PXK: variants seen among roughly 807,000 people sequenced by gnomAD.
PXK encodes the protein PX domain-containing protein kinase-like protein.
Under a neutral mutation model 84.7 loss-of-function variants are expected in PXK, and 35 were observed. The ratio of observed to expected loss-of-function variants is 0.41; its 90% CI spans 0.32 to 0.55. The LOEUF is 0.55. PXK is among the 20% of genes least tolerant of loss of function. PXK has a pLI of 0.21. For missense variants in PXK, 634 were observed against 699.7 expected, an observed-to-expected ratio of 0.91 and a Z score of 1.06; for synonymous variants, 253 against 260.8, an observed-to-expected ratio of 0.97 and a Z score of 0.29.
rs778066122 is a variant in PXK at position 58,365,929 on chromosome 3, G to T, written c.153+5G>T. 1.3e-6 allele frequency: 2 copies of T among 1,520,142 alleles called. No homozygotes were observed. Among genetic ancestry groups the T allele is most frequent in the Non-Finnish European group, 1.8e-6 (2 of 1,137,282 alleles). 94.2% of individuals were successfully genotyped at this position (1,520,142 alleles called of 1,614,324 possible). A position where few individuals can be genotyped will look rare whatever the true frequency, so the allele number is the denominator to read the frequency against. On this transcript the variant is annotated splice_donor_5th_base_variant and intron_variant, in intron 2 of 17. Transcript: ENST00000356151. The stretch of plus-strand genomic sequence containing the variant: ...TCTGTGGAAAACAGCTGGCAGGTAA[G>T]CATCTTTTTTTTTTTTTTTGTCAAT...
chr3:58,338,844 G>A (rs1004964700), intron 1 of PXK, among the ~76,000 whole-genome samples: 1 of 151,580 alleles, frequency 6.6e-6, no homozygotes, highest in Admixed American at 6.6e-5. Context: ...CACCACACCC[G>A]GCTAATTTTT....
intron 17 of PXK, among the ~76,000 whole-genome samples, chr3:58,418,900 G>C (rs927282450): frequency 7.2e-5 from 11 of 152,100 alleles, no homozygotes; most frequent in African/African-American, 2.7e-4. Context: ...AATTCAACTC[G>C]CAAAACAGAT....
In PXK at chr3:58,411,977, A is replaced by C. The variant is rs142802066; in HGVS notation, c.1466-924A>C. Among the ~76,000 whole-genome samples the C allele has an allele frequency of 1.3e-3, 196 of 152,294 alleles. No homozygotes were observed. The highest frequency in any genetic ancestry group is 4.6e-3 in the African/African-American group (190 of 41,562). ...CATGGCCAGTGTCCATGAGACACCA[A>C]CATGTCCTGTGGGTAGTGAGGGAAG... On this transcript the variant is annotated intron_variant, in intron 16 of 17. Transcript: ENST00000356151. The surrounding 1 kb of genome is among the most constrained non-coding windows in gnomAD (Gnocchi z 4.2).
At chr3:58,352,900 A>T (rs1439618245) in intron 1 of PXK, among the ~76,000 whole-genome samples, 1 of 152,208 alleles carries the variant, frequency 6.6e-6, no homozygotes, top group East Asian at 1.9e-4. Context: ...AGAAGCATGC[A>T]TGATCATGAC....
Position 58,421,095 on chromosome 3 carries a change from G to T in PXK, c.1529-3657G>T. ...TCCTCACCTGCCTGAAGCCAAAGGA[G>T]AAGGTGGTTCTCCCGAGAGCTGGGG... On this transcript the variant is annotated intron_variant, in intron 17 of 17. Transcript: ENST00000356151. The surrounding 1 kb of genome is among the most constrained non-coding windows in gnomAD (Gnocchi z 5.5). 2.0e-6 allele frequency: 2 copies of T among 993,128 alleles called. No homozygotes were observed. Among genetic ancestry groups the T allele is most frequent in the South Asian group, 4.5e-5 (1 of 22,022 alleles). The allele number at this position is 993,128 out of a possible 1,614,324, so 61.5% of individuals were successfully genotyped here. A position where few individuals can be genotyped will look rare whatever the true frequency, so the allele number is the denominator to read the frequency against.
chr3:58,371,390 G>C (rs2098368027), intron 3 of PXK, among the ~76,000 whole-genome samples: 1 of 152,226 alleles, frequency 6.6e-6, no homozygotes, highest in Non-Finnish European at 1.5e-5. Context: ...CCTCTCCCCA[G>C]TGCAGTGGCC....
intron 7 of PXK, 101 bp downstream of exon 7, chr3:58,391,948 A>T (rs2098636103): frequency 9.2e-7 from 1 of 1,082,906 alleles, no homozygotes; most frequent in Non-Finnish European, 1.4e-6. Context: ...GAATGGGGAG[A>T]TACAGTGGAT....
rs149896359 is a variant in PXK at position 58,384,268 on chromosome 3, T to A, written c.388+1568T>A. Among the ~76,000 whole-genome samples, 5 of 152,314 alleles carry A rather than the reference T, an allele frequency of 3.3e-5. No individual in the cohort carries two copies. In the East Asian group the frequency reaches 9.6e-4, roughly 29 times the overall value. On this transcript the variant is annotated intron_variant, in intron 4 of 17. Transcript: ENST00000356151. Reference sequence around the variant, plus strand: ...GACTTCCTGAATCAGGATCTGATTTTAACAAGGTCCCCAGGTGATTTGCAC... The same window carrying A: ...GACTTCCTGAATCAGGATCTGATTTAAACAAGGTCCCCAGGTGATTTGCAC...
rs554999286 is a variant in PXK at position 58,413,433 on chromosome 3, G to A, written c.1528+470G>A. 2.4e-4 allele frequency: 38 copies of A among 160,352 alleles called. 1 individual carries two copies. In the South Asian group the frequency reaches 6.5e-3, roughly 27 times the overall value. 9.9% of individuals were successfully genotyped at this position (160,352 alleles called of 1,614,324 possible). On this transcript the variant is annotated intron_variant, in intron 17 of 17. Transcript: ENST00000356151. ...ACTGCGTTTCTGATTTTCTGGCAAC[G>A]ATTTGACTCTGTTTTGCTCTGTAAT...
At chr3:58,372,597 CAGGAG>C (rs2098391521) in intron 3 of PXK, among the ~76,000 whole-genome samples, 1 of 150,146 alleles carries the variant, frequency 6.7e-6, no homozygotes, top group Non-Finnish European at 1.5e-5. Context: ...GCTGGGATTA[CAGGAG>C]TGTGCCCAGC....
chr3:58,402,566 A>C (rs1285162274), intron 12 of PXK, among the ~76,000 whole-genome samples: 1 of 151,266 alleles, frequency 6.6e-6, no homozygotes, highest in South Asian at 2.1e-4. Flanking sequence ...AGTAGCTGGA[A>C]CTACAGGTGC....
intron 1 of PXK, among the ~76,000 whole-genome samples, chr3:58,356,880 C>T (rs1373934784): frequency 7.0e-6 from 1 of 142,544 alleles, no homozygotes; most frequent in African/African-American, 2.6e-5. Flanking sequence ...GGATTAGAGG[C>T]GTGAGCCACT....
chr3:58,335,049 G>A (rs1455918963), intron 1 of PXK, among the ~76,000 whole-genome samples: 2 of 145,916 alleles, frequency 1.4e-5, no homozygotes, highest in Non-Finnish European at 3.0e-5. Context: ...GTGTGTGTGT[G>A]TGTGTGTGTG....
intron 17 of PXK, among the ~76,000 whole-genome samples, chr3:58,415,047 A>T (rs916540580): frequency 6.6e-6 from 1 of 152,190 alleles, no homozygotes; most frequent in Non-Finnish European, 1.5e-5. Flanking sequence ...CTCCAAAATG[A>T]TAGACACTGT....
chr3:58,382,446 T>A (rs1318396805), intron 3 of PXK, 68 bp from the exon 4 acceptor site: 3 of 1,316,792 alleles, frequency 2.3e-6, no homozygotes, highest in Non-Finnish European at 3.0e-6. Context: ...ATATGATAGG[T>A]CAAGATTTTT....
At position 58,383,281 on chromosome 3, in the gene PXK, G is replaced by T. The variant is rs150601537; in HGVS notation, c.388+581G>T. Among the ~76,000 whole-genome samples, 633 of 152,232 alleles carry T rather than the reference G, an allele frequency of 4.2e-3. 6 individuals carry two copies. The highest frequency in any genetic ancestry group is 0.014 in the African/African-American group (580 of 41,530). On this transcript the variant is annotated intron_variant, in intron 4 of 17. Transcript: ENST00000356151. The surrounding 1 kb of genome is among the most constrained non-coding windows in gnomAD (Gnocchi z 4.0). Reference sequence around the variant, plus strand: ...CACTCTAGCCTAGGCAACAGAGCAAGACTCTGTCTTAAAAAGATAATAATA... The same window carrying T: ...CACTCTAGCCTAGGCAACAGAGCAATACTCTGTCTTAAAAAGATAATAATA...
chr3:58,416,478 G>C lies in PXK; in HGVS notation c.1528+3515G>C, dbSNP rs1218937196. ...AGCAAGGCCTGTTTGTTCAGATTCTGCTTGGCCTCTCTGTACAGCTTTCCT... is the reference window on the plus strand; with the variant it reads ...AGCAAGGCCTGTTTGTTCAGATTCTCCTTGGCCTCTCTGTACAGCTTTCCT... On this transcript the variant is annotated intron_variant, in intron 17 of 17. Transcript: ENST00000356151. The surrounding 1 kb of genome is among the most constrained non-coding windows in gnomAD (Gnocchi z 4.8). 3.9e-5 allele frequency among the ~76,000 whole-genome samples: 6 copies of C among 152,178 alleles called. No homozygotes were observed. Among genetic ancestry groups the C allele is most frequent in the African/African-American group, 1.4e-4 (6 of 41,440 alleles).
chr3:58,369,772 C>T (rs539838840), intron 3 of PXK, among the ~76,000 whole-genome samples: 10 of 147,794 alleles, frequency 6.8e-5, no homozygotes, highest in African/African-American at 2.3e-4. Flanking sequence ...TGTGGTGAGC[C>T]GAGATCGCAC....
At chr3:58,337,080 G>T (rs1054843441) in intron 1 of PXK, among the ~76,000 whole-genome samples, 7 of 152,142 alleles carry the variant, frequency 4.6e-5, no homozygotes, top group Non-Finnish European at 8.8e-5. Flanking sequence ...AAGGCGCAGG[G>T]ATTACAGGTT....
Sources: allele counts gnomAD v4.1 joint callset (sites outside exome capture counted in the v4.1 genomes callset), GRCh38; gene constraint gnomAD v4.1.1; non-coding constraint Gnocchi (gnomAD v3.1); transcripts MANE v1.5; gene names NCBI Gene and HGNC (gene_info 2026-07-23, HGNC 2026-07-21).